ZPBP: variants seen among roughly 807,000 people sequenced by gnomAD.
ZPBP encodes the protein zona pellucida binding protein, also known as zona pellucida-binding protein 1.
Under a neutral mutation model 44.8 loss-of-function variants are expected in ZPBP, and 26 were observed. That is an observed-to-expected ratio of 0.58 (90% CI 0.43 to 0.81). The LOEUF is 0.81. Among genes scored for constraint, ZPBP ranks in the 30% least tolerant of loss-of-function variants. The pLI, the probability that ZPBP is intolerant of heterozygous loss-of-function variation, is 0.00. For missense variants in ZPBP, 409 were observed against 434.0 expected, an observed-to-expected ratio of 0.94 and a Z score of 0.51; for synonymous variants, 174 against 153.2, an observed-to-expected ratio of 1.14 and a Z score of -1.00.
intron 3 of ZPBP, among the ~76,000 whole-genome samples, chr7:50,075,567 A>G (rs1161026898): frequency 6.6e-6 from 1 of 152,026 alleles, no homozygotes; most frequent in Non-Finnish European, 1.5e-5. Flanking sequence ...ATGAAAAAGG[A>G]GACATTATGA....
chr7:49,860,989 G>C (rs1408721837), intron 2 of ZPBP, among the ~76,000 whole-genome samples: 2 of 152,156 alleles, frequency 1.3e-5, no homozygotes, highest in Non-Finnish European at 2.9e-5. Flanking sequence ...AAGCAAACCA[G>C]TCTGTGGTAT....
In ZPBP at chr7:50,029,597, A is replaced by G. The variant is rs547087547; in HGVS notation, c.706+1495T>C. ...TTAACAAGAATACAGTATTTGGAAT[A>G]TATAAAGAACTCTTACAACAACACC... On this transcript the variant is annotated intron_variant, in intron 5 of 7. Transcript: ENST00000046087. 9.2e-5 allele frequency among the ~76,000 whole-genome samples: 14 copies of G among 152,364 alleles called. 1 individual carries two copies. The highest frequency in any genetic ancestry group is 3.1e-4 in the African/African-American group (13 of 41,594).
chr7:49,904,776 C>G lies in ZPBP; in HGVS notation n.412-3561G>C, dbSNP rs1792995929. On this transcript the variant is annotated intron_variant and non_coding_transcript_variant, in intron 1 of 2. Transcript: ENST00000465922. ...TTTGAGATGGAGTATCACTCTGTCGCCCAGGTTGGAGTGCAGTGGCGCGAT... is the reference window on the plus strand; with the variant it reads ...TTTGAGATGGAGTATCACTCTGTCGGCCAGGTTGGAGTGCAGTGGCGCGAT... 6.1e-5 allele frequency among the ~76,000 whole-genome samples: 9 copies of G among 147,882 alleles called. 1 individual carries two copies. In the South Asian group the frequency reaches 1.9e-3, roughly 31 times the overall value.
chr7:49,984,208 C>T (rs62445843), intron 6 of ZPBP, among the ~76,000 whole-genome samples: 2,721 of 152,196 alleles, frequency 0.018, 45 homozygotes, highest in Non-Finnish European at 0.026. Flanking sequence ...ATAAATGGAC[C>T]ACACAGGCTG....
At chr7:50,071,164 A>G (rs796206441) in intron 3 of ZPBP, among the ~76,000 whole-genome samples, 5 of 152,300 alleles carry the variant, frequency 3.3e-5, no homozygotes, top group African/African-American at 1.2e-4. Flanking sequence ...CATGCCCCAC[A>G]GTGGTGGCCT....
At chr7:49,945,989 T>C (rs1426880091) in intron 7 of ZPBP, among the ~76,000 whole-genome samples, 5 of 152,116 alleles carry the variant, frequency 3.3e-5, no homozygotes, top group African/African-American at 1.2e-4. Context: ...TGTTTTTTGA[T>C]TTGTGGTTAC....
downstream of ZPBP, among the ~76,000 whole-genome samples, chr7:49,850,248 T>G (rs1005670072): frequency 6.6e-6 from 1 of 152,234 alleles, no homozygotes; most frequent in East Asian, 1.9e-4. Flanking sequence ...GTCCACTTCA[T>G]GCCACACACC....
intron 1 of ZPBP, chr7:49,918,858 G>C (rs1249513467): frequency 1.3e-5 from 2 of 152,080 alleles, no homozygotes; most frequent in South Asian, 2.1e-4. Flanking sequence ...TCAGGAGTTT[G>C]AGGCCAACCT....
chr7:49,920,880 T>G (rs1389598750), intron 1 of ZPBP: 1 of 152,228 alleles, frequency 6.6e-6, no homozygotes, highest in East Asian at 1.9e-4. Flanking sequence ...TGTCTTCATT[T>G]CTAATAGACT....
intron 2 of ZPBP, among the ~76,000 whole-genome samples, chr7:49,854,447 A>G (rs1790332092): frequency 6.6e-6 from 1 of 151,974 alleles, no homozygotes. Context: ...TTTGATTTGC[A>G]TTTCTCTGAT....
At chr7:49,982,292 A>T (rs1409037890) in intron 7 of ZPBP, among the ~76,000 whole-genome samples, 5 of 57,064 alleles carry the variant, frequency 8.8e-5, no homozygotes, top group African/African-American at 2.1e-4. Flanking sequence ...ATTATACATA[A>T]TATATATAAT....
chr7:50,048,747 G>A (rs913783749), intron 4 of ZPBP, among the ~76,000 whole-genome samples: 4 of 151,876 alleles, frequency 2.6e-5, no homozygotes, highest in Non-Finnish European at 5.9e-5. Context: ...CTCTCACGTA[G>A]CCTAATCTTT....
intron 2 of ZPBP, among the ~76,000 whole-genome samples, chr7:49,881,794 A>G (rs1305418031): frequency 6.6e-6 from 1 of 152,136 alleles, no homozygotes; most frequent in Non-Finnish European, 1.5e-5. Context: ...ATCACTTTGT[A>G]TATAATAATA....
At chr7:49,914,567 AACTTGGATTTTTGACACTGTATAT>A (rs1329093969) in intron 1 of ZPBP, 2 of 152,170 alleles carry the variant, frequency 1.3e-5, no homozygotes, top group African/African-American at 4.8e-5. Context: ...CACATGGAAG[AACTTGGATTTTTGACACTGTATAT>A]ACTCATTAAT....
At chr7:49,850,127 G>A (rs1364757583), downstream of ZPBP, among the ~76,000 whole-genome samples, 1 of 152,164 alleles carries the variant, frequency 6.6e-6, no homozygotes, top group Non-Finnish European at 1.5e-5. Flanking sequence ...TGGTGCTGCA[G>A]GAAAACAGAG....
intron 6 of ZPBP, among the ~76,000 whole-genome samples, chr7:50,007,723 T>C (rs1798369612): frequency 6.6e-6 from 1 of 151,900 alleles, no homozygotes; most frequent in African/African-American, 2.4e-5. Flanking sequence ...TGTTTCAACA[T>C]ACAAAAATCA....
chr7:50,073,352 G>A (rs1231471851), intron 3 of ZPBP, among the ~76,000 whole-genome samples: 1 of 151,836 alleles, frequency 6.6e-6, no homozygotes, highest in Non-Finnish European at 1.5e-5. Flanking sequence ...AAAAATACAT[G>A]AAGGAGACAA....
intron 1 of ZPBP, chr7:49,915,683 A>G (rs1395721904): frequency 1.3e-5 from 2 of 152,230 alleles, no homozygotes; most frequent in African/African-American, 4.8e-5. Context: ...AAACATGTAG[A>G]AAACAAAATT....
chr7:50,064,037 C>T (rs756561146), intron 3 of ZPBP, among the ~76,000 whole-genome samples: 4 of 152,144 alleles, frequency 2.6e-5, no homozygotes, highest in Admixed American at 1.3e-4. Flanking sequence ...GGGGGACCTG[C>T]CCCGATAATT....
Sources: gnomAD v4.1 joint callset for allele counts (sites outside exome capture counted in the v4.1 genomes callset) on GRCh38, gnomAD v4.1.1 for gene constraint, MANE v1.5 for transcripts, NCBI Gene and HGNC (gene_info 2026-07-23, HGNC 2026-07-21) for gene names.